The following NCBP3 variants were observed in gnomAD, a reference collection of about 807,000 sequenced individuals.
NCBP3 encodes nuclear cap-binding protein subunit 3.
NCBP3 carries 20 observed loss-of-function variants against 75.7 expected under a neutral mutation model. The observed-to-expected ratio is 0.26, with a 90% CI of 0.19 to 0.38. The LOEUF is 0.38. NCBP3 is among the 10% of genes least tolerant of loss of function. The probability of loss-of-function intolerance (pLI) is 1.00; values close to 1 mark genes in which losing one functional copy is unlikely to be tolerated. For synonymous variants in NCBP3, 293 were observed against 290.5 expected (o/e 1.01, Z -0.09); for missense variants, 678 against 796.9 (o/e 0.85, Z 1.80).
Position 3,804,241 on chromosome 17 carries a change from C to G in NCBP3, c.*8803G>C, listed in dbSNP as rs767288020. The G allele has an allele frequency of 1.3e-5, 2 of 151,710 alleles. No homozygotes were observed. Among genetic ancestry groups the G allele is most frequent in the African/African-American group, 4.8e-5 (2 of 41,286 alleles). The allele number at this position is 151,710 out of a possible 1,614,324, so 9.4% of individuals were successfully genotyped here. On this transcript the variant is annotated 3_prime_UTR_variant, in exon 13 of 13. Coordinates refer to ENST00000389005, the MANE Select transcript of NCBP3 (RefSeq NM_001114118.3). ...TCATGGATGGAGGAGACGTGCTCGG[C>G]GTGAGGTGAAAGGGCTGCCTGTGGG...
intron 3 of NCBP3, among the ~76,000 whole-genome samples, chr17:3,834,502 G>A (rs765103164): frequency 3.9e-5 from 6 of 152,224 alleles, no homozygotes; most frequent in African/African-American, 7.2e-5. Flanking sequence ...CAGGCTAGGC[G>A]CGGTGGCTCA....
intron 3 of NCBP3, among the ~76,000 whole-genome samples, chr17:3,836,026 A>C (rs2053966285): frequency 6.6e-6 from 1 of 152,222 alleles, no homozygotes; most frequent in Non-Finnish European, 1.5e-5. Context: ...GAAATAATCA[A>C]CACCTTCTCC....
intron 11 of NCBP3, among the ~76,000 whole-genome samples, chr17:3,815,163 G>A (rs16953497): frequency 2.0e-5 from 3 of 152,156 alleles, no homozygotes; most frequent in East Asian, 1.9e-4. Context: ...TGTCTCCACC[G>A]ACCTAGTTCA....
chr17:3,812,474 A>G lies in NCBP3; in HGVS notation c.*570T>C. ...CGAGGGAAGAACGGAAGCACAGTCAATGCTGCAGCTCTTATCTACCTGGGC... is the reference window on the plus strand; with the variant it reads ...CGAGGGAAGAACGGAAGCACAGTCAGTGCTGCAGCTCTTATCTACCTGGGC... On this transcript the variant is annotated 3_prime_UTR_variant, in exon 13 of 13. Coordinates refer to ENST00000389005, the MANE Select transcript of NCBP3 (RefSeq NM_001114118.3). 3 of 982,142 alleles carry G rather than the reference A, an allele frequency of 3.1e-6. No individual in the cohort carries two copies. Among genetic ancestry groups the G allele is most frequent in the Non-Finnish European group, 3.6e-6 (3 of 825,804 alleles). The allele number at this position is 982,142 out of a possible 1,614,324, so 60.8% of individuals were successfully genotyped here.
At chr17:3,827,228 T>G (rs894839907) in intron 4 of NCBP3, among the ~76,000 whole-genome samples, 2 of 151,908 alleles carry the variant, frequency 1.3e-5, no homozygotes, top group South Asian at 4.2e-4. Context: ...TGAAAAAGAG[T>G]TGTGTATATT....
chr17:3,832,103 G>A (rs1269901144), intron 3 of NCBP3, among the ~76,000 whole-genome samples: 2 of 112,408 alleles, frequency 1.8e-5, no homozygotes, highest in Admixed American at 9.3e-5. Flanking sequence ...ATAATCACTC[G>A]AACCTGGGAG....
In NCBP3 at chr17:3,843,185, A is replaced by G. The variant is rs780578168; in HGVS notation, c.184-34T>C. 4.1e-5 allele frequency: 62 copies of G among 1,525,196 alleles called. 2 individuals carry two copies. In the South Asian group the frequency reaches 7.2e-4, roughly 18 times the overall value. 94.5% of individuals were successfully genotyped at this position (1,525,196 alleles called of 1,614,324 possible). On this transcript the variant is annotated intron_variant, in intron 1 of 12. Transcript: ENST00000389005. ...AAGGGGAAGGGTGAGAAATTCAGAC[A>G]GCAATTGAGGAAAAACCTATAATAA...
chr17:3,832,370 A>G lies in NCBP3; in HGVS notation c.356-3002T>C, dbSNP rs1392109247. On this transcript the variant is annotated intron_variant, in intron 3 of 12. Coordinates refer to ENST00000389005, the MANE Select transcript of NCBP3 (RefSeq NM_001114118.3). ...ATTTAATGGGCAGGCGCGGTGGCTC[A>G]CGCCTGTAATCCCAGCACTTTGGGA... 9.2e-5 allele frequency among the ~76,000 whole-genome samples: 11 copies of G among 120,092 alleles called. 4 individuals carry two copies. The East Asian group carries it at 2.3e-3, about 25-fold the overall frequency. 78.8% of individuals were successfully genotyped at this position (120,092 alleles called of 152,430 possible).
At chr17:3,832,404 C>T (rs8068160) in intron 3 of NCBP3, among the ~76,000 whole-genome samples, 24,748 of 117,464 alleles carry the variant, frequency 0.21, 7,078 homozygotes, top group African/African-American at 0.46. Context: ...GAGGCCGGGG[C>T]GGGCAGATCA....
chr17:3,827,585 T>G (rs1226848460), intron 4 of NCBP3, among the ~76,000 whole-genome samples: 2 of 152,246 alleles, frequency 1.3e-5, no homozygotes, highest in South Asian at 4.1e-4. Context: ...TTCTCAAAAC[T>G]ATGCGTCCCC....
At position 3,803,870 on chromosome 17, in the gene NCBP3, T is replaced by G. The variant is rs923089440; in HGVS notation, c.*9174A>C. ...GCGGGCGGATCACAAAGTCAGGAGA[T>G]CGAGACCATCCTGGCTAACACGGTG... On this transcript the variant is annotated 3_prime_UTR_variant, in exon 13 of 13. Transcript: ENST00000389005. The G allele has an allele frequency of 1.3e-5, 2 of 151,164 alleles. No homozygotes were observed. Among genetic ancestry groups the G allele is most frequent in the East Asian group, 4.0e-4 (2 of 4,978 alleles). The allele number at this position is 151,164 out of a possible 1,614,324, so 9.4% of individuals were successfully genotyped here.
chr17:3,822,303 A>C (rs2053682944), intron 7 of NCBP3: 1 of 358,456 alleles, frequency 2.8e-6, no homozygotes, highest in African/African-American at 2.1e-5. Flanking sequence ...TGGAGAAAAC[A>C]AAAATAAACA....
At chr17:3,832,403 G>T (rs1299239306) in intron 3 of NCBP3, among the ~76,000 whole-genome samples, 1 of 119,130 alleles carries the variant, frequency 8.4e-6, no homozygotes, top group South Asian at 3.0e-4. Flanking sequence ...GGAGGCCGGG[G>T]CGGGCAGATC....
At chr17:3,835,235 A>C (rs1414251149) in intron 3 of NCBP3, among the ~76,000 whole-genome samples, 5 of 152,258 alleles carry the variant, frequency 3.3e-5, no homozygotes, top group African/African-American at 1.2e-4. Context: ...TGCCTCAAGT[A>C]CATGATGAGA....
chr17:3,834,447 A>C (rs1223450202), intron 3 of NCBP3, among the ~76,000 whole-genome samples: 1 of 152,248 alleles, frequency 6.6e-6, no homozygotes, highest in East Asian at 1.9e-4. Context: ...TAATGAAGAA[A>C]AGATTAGAGT....
At chr17:3,826,063 C>T in intron 5 of NCBP3, 24 bp downstream of exon 5, 2 of 1,546,778 alleles carry the variant, frequency 1.3e-6, no homozygotes, top group Non-Finnish European at 1.7e-6. Context: ...TTTCAGACCC[C>T]AGTTCCCTCC....
intron 4 of NCBP3, 86 bp from the exon 5 acceptor site, chr17:3,826,301 C>T (rs1326083212): frequency 2.6e-5 from 33 of 1,252,218 alleles, no homozygotes; most frequent in East Asian, 5.2e-5. Flanking sequence ...TTCATCACTA[C>T]AGCCTCATCT....
chr17:3,840,374 G>A (rs2054043345), intron 2 of NCBP3, among the ~76,000 whole-genome samples, 169 bp from the exon 3 acceptor site: 1 of 152,094 alleles, frequency 6.6e-6, no homozygotes, highest in African/African-American at 2.4e-5. Flanking sequence ...CAATGACTGG[G>A]GGGATATGTT....
chr17:3,823,061 C>T (rs561848960), intron 7 of NCBP3, among the ~76,000 whole-genome samples: 3 of 152,306 alleles, frequency 2.0e-5, no homozygotes, highest in Non-Finnish European at 1.5e-5. Context: ...CGCCTGTAAT[C>T]CCAGTACTTT....
Sources: gnomAD v4.1 joint callset for allele counts (sites outside exome capture counted in the v4.1 genomes callset) on GRCh38, gnomAD v4.1.1 for gene constraint, MANE v1.5 for transcripts, NCBI Gene and HGNC (gene_info 2026-07-23, HGNC 2026-07-21) for gene names.